The following TXNL4B variants were observed in gnomAD, a reference collection of about 807,000 sequenced individuals.
TXNL4B encodes the protein thioredoxin like 4B.
In TXNL4B, 12 loss-of-function variants were observed where a neutral mutation model predicts 13.0. The observed-to-expected ratio is 0.92, with a 90% CI of 0.59 to 1.49. The LOEUF is 1.49. Ranked by LOEUF, TXNL4B falls within the 40% of genes most tolerant of loss-of-function variation. TXNL4B has a pLI of 0.00. For synonymous variants in TXNL4B, 59 were observed against 58.9 expected (o/e 1.00, Z -0.01); for missense variants, 214 against 173.6 (o/e 1.23, Z -1.31).
chr16:72,085,381 C>G lies in TXNL4B; in HGVS notation c.*1256G>C, dbSNP rs1011825135. 7 of 203,134 alleles carry G rather than the reference C, an allele frequency of 3.4e-5. No homozygotes were observed. Among genetic ancestry groups the G allele is most frequent in the African/African-American group, 1.6e-4 (7 of 43,528 alleles). 12.6% of individuals were successfully genotyped at this position (203,134 alleles called of 1,614,324 possible). On this transcript the variant is annotated 3_prime_UTR_variant, in exon 4 of 4. Coordinates refer to ENST00000268483, the MANE Select transcript of TXNL4B (RefSeq NM_017853.3). ...CCAGCTCTGCACCTACCCTCTCCTT[C>G]TAATAAATCTGTTTCAATAACCACC... is the stretch of plus-strand genomic sequence containing the variant.
rs2041825819 is a variant in TXNL4B, at chr16:72,086,564, A to G, written c.*73T>C. The G allele has an allele frequency of 2.8e-6, 4 of 1,434,390 alleles. No homozygotes were observed. Among genetic ancestry groups the G allele is most frequent in the African/African-American group, 1.4e-5 (1 of 70,906 alleles). 88.9% of individuals were successfully genotyped at this position (1,434,390 alleles called of 1,614,324 possible). On this transcript the variant is annotated 3_prime_UTR_variant, in exon 4 of 4. Transcript: ENST00000268483. Reference sequence around the variant, plus strand: ...ACACATGTTTCCAAAGGACTCCAGAAACACAGCACAGCTGGATTCAGGTAC... The same window carrying G: ...ACACATGTTTCCAAAGGACTCCAGAGACACAGCACAGCTGGATTCAGGTAC...
At chr16:72,087,886 C>G (rs1280627173) in intron 3 of TXNL4B, among the ~76,000 whole-genome samples, 1 of 152,100 alleles carries the variant, frequency 6.6e-6, no homozygotes, top group Non-Finnish European at 1.5e-5. Context: ...GTGGCGCGCT[C>G]TCGGCTCACT....
rs1343854460 is a variant in TXNL4B at position 72,085,087 on chromosome 16, C to T, written c.*1550G>A. ...GATGGAAGAGGCCAGAGGTGATGGCCTCCTCCTCTCCTTTTGTCTTATTCC... is the reference window on the plus strand; with the variant it reads ...GATGGAAGAGGCCAGAGGTGATGGCTTCCTCCTCTCCTTTTGTCTTATTCC... On this transcript the variant is annotated 3_prime_UTR_variant, in exon 4 of 4. Transcript: ENST00000268483. 2 of 398,372 alleles carry T rather than the reference C, an allele frequency of 5.0e-6. No homozygotes were observed. The allele number at this position is 398,372 out of a possible 1,614,324, so 24.7% of individuals were successfully genotyped here.
rs1408213159 is a variant in TXNL4B at position 72,085,206 on chromosome 16, C to A, written c.*1431G>T. Reference sequence around the variant, plus strand: ...TGAGCCAAAAGCAAGACTCATGGCACCCCTCCCTGCAGGAAAGGGGTGGAA... The same window carrying A: ...TGAGCCAAAAGCAAGACTCATGGCAACCCTCCCTGCAGGAAAGGGGTGGAA... On this transcript the variant is annotated 3_prime_UTR_variant, in exon 4 of 4. Transcript: ENST00000268483. 7.7e-6 allele frequency: 3 copies of A among 391,212 alleles called. No homozygotes were observed. In the East Asian group the frequency reaches 1.1e-4, roughly 14 times the overall value. 24.2% of individuals were successfully genotyped at this position (391,212 alleles called of 1,614,324 possible). A position where few individuals can be genotyped will look rare whatever the true frequency, so the allele number is the denominator to read the frequency against.
intron 2 of TXNL4B, among the ~76,000 whole-genome samples, chr16:72,089,502 C>T (rs1012516872): frequency 2.0e-5 from 3 of 152,134 alleles, no homozygotes; most frequent in East Asian, 3.9e-4. Flanking sequence ...GACCTCTACC[C>T]GCCATTTCTA....
At position 72,084,968 on chromosome 16, in the gene TXNL4B, T is replaced by A. The variant is rs2041802111; in HGVS notation, c.*1669A>T. 1 of 398,502 alleles carries A rather than the reference T, an allele frequency of 2.5e-6. No individual in the cohort carries two copies. Among genetic ancestry groups the A allele is most frequent in the Admixed American group, 4.4e-5 (1 of 22,722 alleles). 24.7% of individuals were successfully genotyped at this position (398,502 alleles called of 1,614,324 possible). ...TGGGCTCTTTTTGTTCTTCTTAGCA[T>A]ATCGATGTTTTACGTGATGCTGGGC... On this transcript the variant is annotated 3_prime_UTR_variant, in exon 4 of 4. Coordinates refer to ENST00000268483, the MANE Select transcript of TXNL4B (RefSeq NM_017853.3).
At chr16:72,091,550 C>G (rs1040887941) in intron 1 of TXNL4B, among the ~76,000 whole-genome samples, 2 of 152,246 alleles carry the variant, frequency 1.3e-5, no homozygotes. Context: ...CTCTTCAGCA[C>G]TTTTCATTAT....
chr16:72,086,886 A>C, intron 3 of TXNL4B, 84 bp from the exon 4 acceptor site: 1 of 1,076,928 alleles, frequency 9.3e-7, no homozygotes, highest in Non-Finnish European at 1.3e-6. Flanking sequence ...CAAAATGAAA[A>C]ACAGCTTTGT....
intron 3 of TXNL4B, 53 bp downstream of exon 3, chr16:72,088,934 C>G (rs535539149): frequency 2.7e-6 from 4 of 1,470,100 alleles, no homozygotes; most frequent in South Asian, 1.3e-5. Context: ...ACTGAAAATG[C>G]TTACCAAGGA....
At chr16:72,088,579 C>T (rs954563115) in intron 3 of TXNL4B, among the ~76,000 whole-genome samples, 1 of 152,206 alleles carries the variant, frequency 6.6e-6, no homozygotes, top group African/African-American at 2.4e-5. Flanking sequence ...ATGCCACTTA[C>T]CAGTCCAAAA....
At chr16:72,094,034 A>G (rs2041966682), upstream of TXNL4B, 1 of 152,366 alleles carries the variant, frequency 6.6e-6, no homozygotes. Flanking sequence ...AAGGGTCCCA[A>G]GAGTCGCGCT....
intron 1 of TXNL4B, among the ~76,000 whole-genome samples, chr16:72,093,147 G>C (rs1263467456): frequency 6.6e-6 from 1 of 151,980 alleles, no homozygotes; most frequent in Admixed American, 6.5e-5. Flanking sequence ...ACCAAAAAAA[G>C]AAAAAAAGCT....
intron 2 of TXNL4B, among the ~76,000 whole-genome samples, chr16:72,089,396 A>C (rs1236656855): frequency 6.6e-6 from 1 of 152,086 alleles, no homozygotes; most frequent in East Asian, 1.9e-4. Context: ...TGAGGTTAGA[A>C]GGGGACCTTG....
chr16:72,094,112 G>A (rs1232914840), upstream of TXNL4B: 2 of 152,532 alleles, frequency 1.3e-5, no homozygotes, highest in Non-Finnish European at 2.9e-5. Flanking sequence ...TCTAGGCGGC[G>A]GATATTGGTC....
At chr16:72,091,353 T>C (rs948509465) in intron 1 of TXNL4B, among the ~76,000 whole-genome samples, 3 of 147,658 alleles carry the variant, frequency 2.0e-5, no homozygotes, top group Non-Finnish European at 2.9e-5. Flanking sequence ...TGCTGTTAGG[T>C]GTTGCAGCCA....
rs2041827416 is a variant in TXNL4B, at chr16:72,086,664, T to C, written c.423A>G (p.Lys141=). ...AAATGTCTTGATAGAGAAGGTCATA[T>C]TTGGGAATATTCTTGGGATCAATAG... ...QSPIDPKNIP[K]YDLLYQDI is the part of the protein sequence containing the mutation. The change falls in exon 4 of 4, where the codon AAA becomes AAG. Residue 141 remains lysine (K), a synonymous_variant. Coordinates refer to ENST00000268483, the MANE Select transcript of TXNL4B (RefSeq NM_017853.3). 6.2e-7 allele frequency: 1 copy of C among 1,613,836 alleles called. No individual in the cohort carries two copies. Among genetic ancestry groups the C allele is most frequent in the Non-Finnish European group, 8.5e-7 (1 of 1,179,710 alleles).
At position 72,085,465 on chromosome 16, in the gene TXNL4B, G is replaced by A. The variant is rs376286592; in HGVS notation, c.*1172C>T. ...GGTTGCGCCAGGCACCCCTAGAAGA[G>A]CAAGAATTCCTTACAAAGTTATTAA... On this transcript the variant is annotated 3_prime_UTR_variant, in exon 4 of 4. Coordinates refer to ENST00000268483, the MANE Select transcript of TXNL4B (RefSeq NM_017853.3). 1.3e-5 allele frequency: 2 copies of A among 156,496 alleles called. No individual in the cohort carries two copies. The highest frequency in any genetic ancestry group is 4.8e-5 in the African/African-American group (2 of 41,622). The allele number at this position is 156,496 out of a possible 1,614,324, so 9.7% of individuals were successfully genotyped here. A position where few individuals can be genotyped will look rare whatever the true frequency, so the allele number is the denominator to read the frequency against.
At chr16:72,089,290 C>T in intron 2 of TXNL4B, 152 bp from the exon 3 acceptor site, 1 of 629,166 alleles carries the variant, frequency 1.6e-6, no homozygotes, top group Non-Finnish European at 2.7e-6. Flanking sequence ...CAAAGCATAA[C>T]CCCATCCTCC....
At chr16:72,089,203 C>A in intron 2 of TXNL4B, 65 bp from the exon 3 acceptor site, 1 of 1,412,224 alleles carries the variant, frequency 7.1e-7, no homozygotes, top group Non-Finnish European at 9.8e-7. Flanking sequence ...TTCTGTGAAA[C>A]TTGTTACTAC....
Sources: allele counts gnomAD v4.1 joint callset (sites outside exome capture counted in the v4.1 genomes callset), GRCh38; gene constraint gnomAD v4.1.1; transcripts MANE v1.5; gene names NCBI Gene and HGNC (gene_info 2026-07-23, HGNC 2026-07-21).